Variants in AKT3 observed in about 807,000 individuals in gnomAD.
The protein encoded by AKT3 is AKT serine/threonine kinase 3.
AKT3 carries 15 observed loss-of-function variants against 65.3 expected under a neutral mutation model. That is an observed-to-expected ratio of 0.23 (90% CI 0.15 to 0.35). The LOEUF is 0.35. AKT3 is among the 10% of genes least tolerant of loss of function. The pLI, the probability that AKT3 is intolerant of heterozygous loss-of-function variation, is 1.00. For synonymous variants in AKT3, 206 were observed against 183.8 expected (o/e 1.12, Z -0.98); for missense variants, 243 against 576.5 (o/e 0.42, Z 5.92).
At chr1:243,744,543 T>A (rs1015779318) in intron 2 of AKT3, among the ~76,000 whole-genome samples, 1 of 151,736 alleles carries the variant, frequency 6.6e-6, no homozygotes, top group Non-Finnish European at 1.5e-5. Context: ...ATCGAGACCA[T>A]CCCGGCTAAA....
intron 9 of AKT3, among the ~76,000 whole-genome samples, chr1:243,570,339 CATG>C (rs1674470067): frequency 6.6e-6 from 1 of 152,172 alleles, no homozygotes; most frequent in South Asian, 2.1e-4. Flanking sequence ...TAAATCAGTT[CATG>C]ATAATGTTCT....
At chr1:243,649,486 A>G (rs1427555798) in intron 4 of AKT3, among the ~76,000 whole-genome samples, 1 of 151,832 alleles carries the variant, frequency 6.6e-6, no homozygotes, top group Non-Finnish European at 1.5e-5. Context: ...ATGGGTATAC[A>G]TGTGTCATGG....
chr1:243,671,984 C>A (rs1683184654), intron 3 of AKT3, among the ~76,000 whole-genome samples: 1 of 152,170 alleles, frequency 6.6e-6, no homozygotes, highest in Non-Finnish European at 1.5e-5. Flanking sequence ...CTCTTCTATA[C>A]CTTCTCTACA....
chr1:243,826,088 C>A (rs946828518), intron 2 of AKT3, among the ~76,000 whole-genome samples: 3 of 151,760 alleles, frequency 2.0e-5, no homozygotes, highest in Non-Finnish European at 2.9e-5. Context: ...GCCAAGATGG[C>A]ACCACTGCAC....
chr1:243,519,611 A>C (rs1300108626), intron 12 of AKT3, among the ~76,000 whole-genome samples: 1 of 152,198 alleles, frequency 6.6e-6, no homozygotes, highest in Non-Finnish European at 1.5e-5. Context: ...GCTTTGGCAG[A>C]AAAACTTCTG....
intron 2 of AKT3, among the ~76,000 whole-genome samples, chr1:243,773,130 T>A (rs1300184041): frequency 1.3e-5 from 2 of 151,270 alleles, no homozygotes; most frequent in East Asian, 3.9e-4. Flanking sequence ...GGCACATGTA[T>A]ACATATGTAA....
At chr1:243,614,583 C>T (rs1678153855) in intron 7 of AKT3, among the ~76,000 whole-genome samples, 1 of 152,084 alleles carries the variant, frequency 6.6e-6, no homozygotes, top group Admixed American at 6.5e-5. Context: ...CTTATCCCAC[C>T]TCTAATGTAT....
At chr1:243,658,484 G>A (rs1035765518) in intron 4 of AKT3, among the ~76,000 whole-genome samples, 1 of 152,122 alleles carries the variant, frequency 6.6e-6, no homozygotes, top group Non-Finnish European at 1.5e-5. Flanking sequence ...TGTCAGCAAG[G>A]ATGTGGAGAA....
chr1:243,824,644 G>GA lies in AKT3; in HGVS notation c.46+18480dup, dbSNP rs140087298. Among the ~76,000 whole-genome samples the GA allele has an allele frequency of 9.9e-3, 1,438 of 145,728 alleles. 7 individuals are homozygous for GA. Among genetic ancestry groups the GA allele is most frequent in the Middle Eastern group, 0.028 (8 of 286 alleles). ...AGGCATACATGCAGCCAACAAACAT[G>GA]AAAAAAAAAAGCTCAATATCACTGA... On this transcript the variant is annotated intron_variant, in intron 2 of 13. Coordinates refer to ENST00000673466, the MANE Select transcript of AKT3 (RefSeq NM_005465.7).
intron 4 of AKT3, among the ~76,000 whole-genome samples, chr1:243,651,269 C>A (rs577750816): frequency 6.6e-6 from 1 of 152,326 alleles, no homozygotes; most frequent in South Asian, 2.1e-4. Flanking sequence ...GCCGAAGTTG[C>A]ATATCAGCTT....
At chr1:243,596,325 G>GAAACCATTTGTAATACAAATATTTGGC (rs1676610380) in intron 8 of AKT3, among the ~76,000 whole-genome samples, 13 of 152,268 alleles carry the variant, frequency 8.5e-5, no homozygotes, top group Admixed American at 7.2e-4. Context: ...CAGTCTGGAA[G>GAAACCATTTGTAATACAAATATTTGGC]AAACCATTTG....
chr1:243,583,166 G>GTATATA (rs1479928964), intron 8 of AKT3, among the ~76,000 whole-genome samples: 15 of 85,820 alleles, frequency 1.7e-4, no homozygotes, highest in South Asian at 8.3e-4. Context: ...ATGTATATGT[G>GTATATA]TGTGTATATA....
chr1:243,528,493 G>A (rs754269025), intron 12 of AKT3, among the ~76,000 whole-genome samples: 1 of 152,022 alleles, frequency 6.6e-6, no homozygotes, highest in African/African-American at 2.4e-5. Flanking sequence ...CCCTCAAGTA[G>A]GCCTTGGTGT....
intron 4 of AKT3, among the ~76,000 whole-genome samples, 171 bp downstream of exon 4, chr1:243,664,601 T>C (rs1317416334): frequency 1.3e-5 from 2 of 152,140 alleles, no homozygotes; most frequent in Non-Finnish European, 2.9e-5. Context: ...ATATTAAATA[T>C]TATTTTGTAA....
chr1:243,825,233 C>T (rs1694098011), intron 2 of AKT3, among the ~76,000 whole-genome samples: 1 of 152,158 alleles, frequency 6.6e-6, no homozygotes, highest in African/African-American at 2.4e-5. Context: ...AGTGGAACAA[C>T]ACACACTGTG....
Position 243,664,335 on chromosome 1 carries a change from T to A in AKT3, c.284+437A>T, listed in dbSNP as rs898012321. Among the ~76,000 whole-genome samples, 142 of 151,546 alleles carry A rather than the reference T, an allele frequency of 9.4e-4. 1 individual carries two copies. The highest frequency in any genetic ancestry group is 1.9e-4 in the Non-Finnish European group (13 of 67,874). On this transcript the variant is annotated intron_variant, in intron 4 of 13. Transcript: ENST00000673466. Reference sequence around the variant, plus strand: ...CCTCAGCCTCCTGAGTAGCTGGGACTACAGGCGCCCGCCACCACGCCTGGC... The same window carrying A: ...CCTCAGCCTCCTGAGTAGCTGGGACAACAGGCGCCCGCCACCACGCCTGGC...
rs1684195258 is a variant in AKT3, at chr1:243,685,096, G to C, written c.172+10495C>G. On this transcript the variant is annotated intron_variant, in intron 3 of 13. Transcript: ENST00000673466. Reference sequence around the variant, plus strand: ...GATTGCGAAAATTTTCTCCCATTCTGTAGGCTGCCTGTTCACTCTAATGAT... The same window carrying C: ...GATTGCGAAAATTTTCTCCCATTCTCTAGGCTGCCTGTTCACTCTAATGAT... 2.0e-5 allele frequency among the ~76,000 whole-genome samples: 3 copies of C among 152,130 alleles called. 1 individual carries two copies. In the South Asian group the frequency reaches 6.2e-4, roughly 31 times the overall value.
At chr1:243,668,339 T>C (rs1010939250) in intron 3 of AKT3, among the ~76,000 whole-genome samples, 2 of 152,156 alleles carry the variant, frequency 1.3e-5, no homozygotes, top group Non-Finnish European at 2.9e-5. Flanking sequence ...GGAGTATAAA[T>C]AGTTTAGTAA....
intron 2 of AKT3, among the ~76,000 whole-genome samples, chr1:243,801,662 T>G (rs1175279307): frequency 6.6e-6 from 1 of 152,052 alleles, no homozygotes; most frequent in Non-Finnish European, 1.5e-5. Flanking sequence ...AAGAAACAAA[T>G]TCAGATCATG....
Sources: gnomAD v4.1 joint callset for allele counts (sites outside exome capture counted in the v4.1 genomes callset) on GRCh38, gnomAD v4.1.1 for gene constraint, MANE v1.5 for transcripts, NCBI Gene and HGNC (gene_info 2026-07-23, HGNC 2026-07-21) for gene names.